The following SPATA9 variants were observed in gnomAD, a reference collection of about 807,000 sequenced individuals.
SPATA9 encodes the protein spermatogenesis-associated protein 9.
SPATA9 carries 27 observed loss-of-function variants against 25.5 expected under a neutral mutation model. The observed-to-expected ratio is 1.06, with a 90% CI of 0.78 to 1.46. The LOEUF is 1.46. Among genes scored for constraint, SPATA9 ranks in the 40% most tolerant of loss-of-function variants. SPATA9 has a pLI of 0.00. For synonymous variants in SPATA9, 102 were observed against 105.7 expected (o/e 0.97, Z 0.21); for missense variants, 282 against 297.5 (o/e 0.95, Z 0.38).
intron 2 of SPATA9, 77 bp downstream of exon 2, chr5:95,682,451 G>T: frequency 1.9e-6 from 2 of 1,031,424 alleles, no homozygotes; most frequent in Non-Finnish European, 2.8e-6. Context: ...TCAAAATCAA[G>T]CATTAAATAA....
the SPATA9 span, chr5:95,732,029 A>G: frequency 6.2e-7 from 1 of 1,614,164 alleles, no homozygotes; most frequent in Non-Finnish European, 8.5e-7. Context: ...TTCACCGAGT[A>G]TCAGGCCAGT....
intron 4 of SPATA9, 76 bp from the exon 5 acceptor site, chr5:95,658,989 G>A (rs1750995420): frequency 2.0e-6 from 3 of 1,500,928 alleles, no homozygotes; most frequent in East Asian, 2.3e-5. Context: ...ATACAATATA[G>A]TGTTCCACAT....
the SPATA9 span, among the ~76,000 whole-genome samples, chr5:95,718,135 C>A: frequency 6.6e-6 from 1 of 152,066 alleles, no homozygotes; most frequent in East Asian, 1.9e-4. Context: ...GTTAAATAAA[C>A]CTGAACTAAA....
chr5:95,712,250 G>A, the SPATA9 span, among the ~76,000 whole-genome samples: 4 of 152,286 alleles, frequency 2.6e-5, no homozygotes, highest in Admixed American at 6.5e-5. Context: ...GTCAGATTAC[G>A]TTTTCCAAAG....
chr5:95,679,962 A>G (rs1260229978), intron 2 of SPATA9, among the ~76,000 whole-genome samples: 1 of 152,168 alleles, frequency 6.6e-6, no homozygotes, highest in African/African-American at 2.4e-5. Flanking sequence ...CAGTGGCGCG[A>G]TCTCGGCTCA....
intron 3 of SPATA9, among the ~76,000 whole-genome samples, chr5:95,672,963 G>T (rs1445562952): frequency 6.6e-6 from 1 of 152,146 alleles, no homozygotes; most frequent in Non-Finnish European, 1.5e-5. Flanking sequence ...GCCTTGCAAA[G>T]TAGAAAAAGT....
intron 3 of SPATA9, among the ~76,000 whole-genome samples, chr5:95,675,150 TTTAACATAAATGGTAA>T (rs1240503022): frequency 2.6e-5 from 4 of 152,222 alleles, no homozygotes; most frequent in African/African-American, 9.6e-5. Context: ...TTCTGTTAGA[TTTAACATAAATGGTAA>T]TTTACATGCA....
upstream of SPATA9, among the ~76,000 whole-genome samples, chr5:95,684,370 C>A (rs1753675604): frequency 6.6e-6 from 1 of 152,224 alleles, no homozygotes. Flanking sequence ...ATTCTCCTCC[C>A]TTCCACCATC....
the SPATA9 span, among the ~76,000 whole-genome samples, chr5:95,705,761 T>C: frequency 1.3e-5 from 2 of 152,238 alleles, no homozygotes; most frequent in African/African-American, 4.8e-5. Flanking sequence ...ATGATTATTT[T>C]ACAGCTAATA....
chr5:95,667,065 A>T (rs1751881576), intron 3 of SPATA9, among the ~76,000 whole-genome samples: 1 of 152,212 alleles, frequency 6.6e-6, no homozygotes, highest in African/African-American at 2.4e-5. Context: ...TGAAATAAGA[A>T]CACAGGTTCA....
intron 3 of SPATA9, among the ~76,000 whole-genome samples, chr5:95,671,183 T>C (rs893093561): frequency 3.9e-5 from 6 of 152,190 alleles, no homozygotes; most frequent in Non-Finnish European, 7.3e-5. Context: ...ACTCCAAGAC[T>C]CAGATACAGT....
upstream of SPATA9, among the ~76,000 whole-genome samples, chr5:95,686,702 G>C (rs545996537): frequency 4.6e-5 from 7 of 152,158 alleles, no homozygotes; most frequent in South Asian, 2.1e-4. Context: ...GGACCCTCCT[G>C]GGGGGGTAAC....
the SPATA9 span, chr5:95,731,169 C>A: frequency 4.0e-6 from 4 of 1,009,358 alleles, no homozygotes; most frequent in Middle Eastern, 4.9e-4. Context: ...CCTTTGTGTC[C>A]AGCCGCCGCC....
the SPATA9 span, among the ~76,000 whole-genome samples, chr5:95,709,983 T>C: frequency 6.6e-6 from 1 of 152,206 alleles, no homozygotes. Flanking sequence ...TCCATGTACA[T>C]GCACAGTAGC....
the SPATA9 span, among the ~76,000 whole-genome samples, chr5:95,716,778 C>T: frequency 2.0e-5 from 3 of 152,144 alleles, no homozygotes; most frequent in Non-Finnish European, 4.4e-5. Flanking sequence ...ATAATCCCCA[C>T]GTGTCATGAG....
At chr5:95,704,440 A>T in the SPATA9 span, among the ~76,000 whole-genome samples, 3 of 152,182 alleles carry the variant, frequency 2.0e-5, no homozygotes, top group Admixed American at 6.5e-5. Flanking sequence ...GAAATAGTTG[A>T]TAGGAGGTAG....
intron 3 of SPATA9, among the ~76,000 whole-genome samples, chr5:95,669,542 C>T (rs1313574862): frequency 6.6e-6 from 1 of 152,182 alleles, no homozygotes; most frequent in Non-Finnish European, 1.5e-5. Context: ...ACTTTGGTCC[C>T]TATCTTATTC....
chr5:95,718,756 C>T, the SPATA9 span, among the ~76,000 whole-genome samples: 1 of 152,112 alleles, frequency 6.6e-6, no homozygotes, highest in African/African-American at 2.4e-5. Flanking sequence ...TAGAATGGGG[C>T]TATGAGAACA....
chr5:95,690,307 G>C (rs1015299667), intron 1 of SPATA9, among the ~76,000 whole-genome samples: 6 of 152,164 alleles, frequency 3.9e-5, no homozygotes, highest in African/African-American at 1.4e-4. Flanking sequence ...GAAACGGCTA[G>C]AATCATGGCC....
Sources: allele counts gnomAD v4.1 joint callset (sites outside exome capture counted in the v4.1 genomes callset), GRCh38; gene constraint gnomAD v4.1.1; transcripts MANE v1.5; gene names NCBI Gene and HGNC (gene_info 2026-07-23, HGNC 2026-07-21).